The following WNK3 variants were observed in gnomAD, a reference collection of about 807,000 sequenced individuals.
WNK3 encodes the protein WNK lysine deficient protein kinase 3.
A neutral mutation model predicts 116.7 loss-of-function variants in WNK3; 18 were observed. The ratio of observed to expected loss-of-function variants is 0.15; its 90% CI spans 0.11 to 0.23. The LOEUF (loss-of-function observed/expected upper bound fraction) is 0.23, where lower values mean the gene tolerates loss of function less well. Among genes scored for constraint, WNK3 ranks in the 10% least tolerant of loss-of-function variants. The pLI is 1.00. For synonymous variants in WNK3, 404 were observed against 469.4 expected, an observed-to-expected ratio of 0.86 and a Z score of 1.80; for missense variants, 993 against 1,323.8, an observed-to-expected ratio of 0.75 and a Z score of 3.88.
intron 23 of WNK3, among the ~76,000 whole-genome samples, chrX:54,199,210 C>T (rs782406922): frequency 8.1e-5 from 9 of 110,721 alleles, no homozygotes; most frequent in Non-Finnish European, 1.5e-4. Flanking sequence ...TTCCGCATCT[C>T]GGTGATTGGT....
At chrX:54,265,778 T>G (rs1458797375) in intron 10 of WNK3, among the ~76,000 whole-genome samples, 7 of 113,013 alleles carry the variant, frequency 6.2e-5, no homozygotes, top group African/African-American at 2.2e-4. Flanking sequence ...GCACAGTGGC[T>G]CACGCCAGTA....
intron 1 of WNK3, among the ~76,000 whole-genome samples, chrX:54,338,338 C>T (rs1557175837): frequency 9.1e-6 from 1 of 110,180 alleles, no homozygotes; most frequent in Non-Finnish European, 1.9e-5. Context: ...TCAAGAATCG[C>T]TTGAACCCAG....
intron 17 of WNK3, 79 bp downstream of exon 17, chrX:54,248,618 A>G (rs1269266013): frequency 1.1e-6 from 1 of 883,970 alleles, no homozygotes. Flanking sequence ...ATCTCAAAGG[A>G]CAGAATTTTA....
intron 17 of WNK3, among the ~76,000 whole-genome samples, 166 bp from the exon 18 acceptor site, chrX:54,239,265 C>T (rs1246471568): frequency 3.7e-5 from 4 of 107,171 alleles, no homozygotes; most frequent in Non-Finnish European, 7.7e-5. Flanking sequence ...TAGAGTATTA[C>T]GTATATAGTT....
At chrX:54,298,105 A>C in intron 7 of WNK3, 70 bp downstream of exon 7, 3 of 736,712 alleles carry the variant, frequency 4.1e-6, no homozygotes, top group Non-Finnish European at 4.2e-6. Flanking sequence ...GAAAGAAAGC[A>C]ATGAGAAGGA....
chrX:54,234,376 TAA>T (rs2067938438), intron 20 of WNK3, among the ~76,000 whole-genome samples: 1 of 110,570 alleles, frequency 9.0e-6, no homozygotes, highest in Non-Finnish European at 1.9e-5. Context: ...TGTCTCAAAA[TAA>T]AAGATCCTTT....
Position 54,195,416 on chromosome X carries a change from C to T in WNK3, c.*2908G>A. 2.7e-5 allele frequency: 3 copies of T among 111,269 alleles called. No homozygotes were observed. In the Middle Eastern group the frequency reaches 0.014, roughly 510 times the overall value. 9.2% of individuals were successfully genotyped at this position (111,269 alleles called of 1,213,427 possible). A position where few individuals can be genotyped will look rare whatever the true frequency, so the allele number is the denominator to read the frequency against. On this transcript the variant is annotated 3_prime_UTR_variant, in exon 24 of 24. Coordinates refer to ENST00000354646, the Ensembl canonical transcript of WNK3. The stretch of plus-strand genomic sequence containing the variant: ...AGAAGGGAATTTCTGAGCTTTACCT[C>T]AAGTTAATTATTTCTGGGGAGGAAA...
chrX:54,345,758 C>A (rs1254653971), intron 1 of WNK3, among the ~76,000 whole-genome samples: 2 of 105,120 alleles, frequency 1.9e-5, no homozygotes, highest in African/African-American at 6.9e-5. Context: ...TGCACTCCAG[C>A]CTGGGCGACA....
rs782085806 is a variant in WNK3 at position 54,215,393 on chromosome X, G to A, written c.4871-13200C>T. On this transcript the variant is annotated intron_variant, in intron 22 of 23. Coordinates refer to ENST00000354646, the Ensembl canonical transcript of WNK3. Reference sequence around the variant, plus strand: ...TTTTGGTGGAGACGGGTTTCCCCGCGTTGGCCGGGCTGGTCTCCAGCTCCC... The same window carrying A: ...TTTTGGTGGAGACGGGTTTCCCCGCATTGGCCGGGCTGGTCTCCAGCTCCC... Among the ~76,000 whole-genome samples the A allele has an allele frequency of 7.0e-4, 79 of 112,522 alleles. 1 individual carries two copies. Among genetic ancestry groups the A allele is most frequent in the Admixed American group, 6.5e-3 (69 of 10,666 alleles).
In WNK3 at chrX:54,249,394, C is replaced by T. The variant is rs200979535; in HGVS notation, c.2954G>A (p.Arg985His). The T allele has an allele frequency of 8.4e-5, 102 of 1,209,981 alleles. No homozygotes were observed. The Middle Eastern group carries it at 2.1e-3, about 25-fold the overall frequency. Residue 985 changes from arginine to histidine, a missense_variant, in exon 17 of 24, where the codon CGT becomes CAT. Around this residue, in one of 4 missense-constraint regions of WNK3, gnomAD observed 836 missense variants for 976.5 expected, o/e 0.86. Transcript: ENST00000354646. ...TCCCTCACATTCAGCTGGAACTGCACGAACTGAAGTAGTAGAGTAACTGGA... is the reference window on the plus strand; with the variant it reads ...TCCCTCACATTCAGCTGGAACTGCATGAACTGAAGTAGTAGAGTAACTGGA...
chrX:54,222,253 A>G (rs1241857211), intron 22 of WNK3, among the ~76,000 whole-genome samples: 1 of 111,280 alleles, frequency 9.0e-6, no homozygotes, highest in Non-Finnish European at 1.9e-5. Flanking sequence ...GAAAAATATA[A>G]GAAAAGAATA....
At chrX:54,193,737 A>G (rs1453608755) in exon 24 of WNK3, 2 of 111,434 alleles carry the variant, frequency 1.8e-5, no homozygotes, top group Non-Finnish European at 3.8e-5. Context: ...ATTTCATACT[A>G]ATTTCAATTC....
Position 54,294,609 on chromosome X carries a change from T to C in WNK3, c.1637A>G (p.His546Arg), listed in dbSNP as rs782772231. 6.6e-6 allele frequency: 8 copies of C among 1,203,055 alleles called. No homozygotes were observed. The highest frequency in any genetic ancestry group is 9.0e-6 in the Non-Finnish European group (8 of 890,021). The change falls in exon 8 of 24, where the codon CAT becomes CGT. Residue 546 changes from histidine (H) to arginine (R), a missense_variant. His to Arg is a conservative substitution (Grantham distance 29). Coordinates refer to ENST00000354646, the Ensembl canonical transcript of WNK3. Reference sequence around the variant, plus strand: ...TCTTTGTAGAAGCTGTTGTCTAACATGTTGATCAACTTCAGTTTCTTCACA... The same window carrying C: ...TCTTTGTAGAAGCTGTTGTCTAACACGTTGATCAACTTCAGTTTCTTCACA...
intron 1 of WNK3, 149 bp downstream of exon 1, chrX:54,357,537 C>T (rs946115635): frequency 9.0e-6 from 1 of 110,643 alleles, no homozygotes; most frequent in Non-Finnish European, 1.9e-5. Context: ...CAAGCCGCCC[C>T]CCGCTAGGGC....
At chrX:54,254,105 G>C (rs782724963) in intron 12 of WNK3, 30 bp from the exon 13 acceptor site, 16 of 997,688 alleles carry the variant, frequency 1.6e-5, no homozygotes, top group Middle Eastern at 2.6e-4. Flanking sequence ...CGGTTTAAGA[G>C]TCAATCACTG....
intron 10 of WNK3, among the ~76,000 whole-genome samples, chrX:54,275,583 C>T (rs2068437863): frequency 9.3e-6 from 1 of 107,567 alleles, no homozygotes. Context: ...AGAAGGAATC[C>T]TAAAAAATTT....
intron 1 of WNK3, among the ~76,000 whole-genome samples, chrX:54,351,548 A>G (rs1282106916): frequency 9.0e-6 from 1 of 111,199 alleles, no homozygotes; most frequent in South Asian, 3.8e-4. Context: ...AGGCGGGAGG[A>G]TCACTTAAGC....
intron 2 of WNK3, among the ~76,000 whole-genome samples, chrX:54,318,224 G>C (rs898659184): frequency 9.2e-6 from 1 of 108,349 alleles, no homozygotes; most frequent in African/African-American, 3.4e-5. Context: ...TCCGGCTGTG[G>C]TGGCACGCGC....
chrX:54,213,614 A>C (rs1381873144), intron 22 of WNK3, among the ~76,000 whole-genome samples: 3 of 107,729 alleles, frequency 2.8e-5, no homozygotes, highest in African/African-American at 1.0e-4. Flanking sequence ...AATAACCACA[A>C]GGCATGTAGA....
Sources: allele counts gnomAD v4.1 joint callset (sites outside exome capture counted in the v4.1 genomes callset), GRCh38; gene constraint gnomAD v4.1.1; regional missense constraint gnomAD v4.1.1; transcripts MANE v1.5; gene names NCBI Gene and HGNC (gene_info 2026-07-23, HGNC 2026-07-21).